C12orf75: variants seen among roughly 807,000 people sequenced by gnomAD.
C12orf75 encodes chromosome 12 open reading frame 75, also known as overexpressed in colon carcinoma 1 protein.
A neutral mutation model predicts 11.4 loss-of-function variants in C12orf75; 4 were observed. The ratio of observed to expected loss-of-function variants is 0.35; its 90% CI spans 0.17 to 0.80. The LOEUF (loss-of-function observed/expected upper bound fraction) is 0.80, where lower values mean the gene tolerates loss of function less well. C12orf75 is among the 30% of genes least tolerant of loss of function. C12orf75 has a pLI of 0.52. For missense variants in C12orf75, 89 were observed against 80.4 expected (o/e 1.11, Z -0.41); for synonymous variants, 30 against 30.0 (o/e 1.00, Z 0.00).
At chr12:105,369,279 G>A (rs186589580) in intron 5 of C12orf75, among the ~76,000 whole-genome samples, 1 of 152,202 alleles carries the variant, frequency 6.6e-6, no homozygotes, top group East Asian at 1.9e-4. Context: ...GCATAATCCT[G>A]GTGAGCAAGC....
intron 2 of C12orf75, among the ~76,000 whole-genome samples, chr12:105,353,106 G>C (rs1892734901): frequency 6.6e-6 from 1 of 152,110 alleles, no homozygotes; most frequent in South Asian, 2.1e-4. Flanking sequence ...CAGAAGCCCA[G>C]TTTAAACTGG....
intron 1 of C12orf75, among the ~76,000 whole-genome samples, chr12:105,346,673 C>T (rs967855028): frequency 6.6e-6 from 1 of 152,156 alleles, no homozygotes; most frequent in Non-Finnish European, 1.5e-5. Flanking sequence ...TAGTCAAAGC[C>T]TTAAAAGAAT....
chr12:105,363,568 T>C (rs530405864), intron 2 of C12orf75, among the ~76,000 whole-genome samples: 3 of 152,084 alleles, frequency 2.0e-5, no homozygotes, highest in African/African-American at 7.2e-5. Flanking sequence ...CTACTAAAAA[T>C]ACAAAAATTA....
chr12:105,370,314 A>C (rs1487046844), intron 5 of C12orf75, among the ~76,000 whole-genome samples: 5 of 152,204 alleles, frequency 3.3e-5, no homozygotes, highest in African/African-American at 1.2e-4. Context: ...AAGGGATGGA[A>C]TTGTGACCGA....
At chr12:105,330,987 C>A in intron 1 of C12orf75, 50 bp downstream of exon 1, 1 of 1,092,316 alleles carries the variant, frequency 9.2e-7, no homozygotes, top group Non-Finnish European at 1.2e-6. Flanking sequence ...GGAGAGGCGG[C>A]GGGAAGGAAG....
At chr12:105,338,366 G>C (rs1892522096) in intron 1 of C12orf75, among the ~76,000 whole-genome samples, 1 of 152,106 alleles carries the variant, frequency 6.6e-6, no homozygotes, top group South Asian at 2.1e-4. Context: ...TGGAGATGGG[G>C]TTTCACTGTG....
Position 105,348,600 on chromosome 12 carries a change from A to G in C12orf75, c.47-2A>G. The stretch of plus-strand genomic sequence containing the variant: ...ACAAACCTATCTTCTTTTTTTCTCT[A>G]GGCCCTGCAGGAGCAGCCAAAGATG... On this transcript the variant is annotated splice_acceptor_variant, in intron 1 of 5. Transcript: ENST00000443585. LOFTEE classifies it high-confidence loss of function. 6.5e-7 allele frequency: 1 copy of G among 1,534,206 alleles called. No individual in the cohort carries two copies. Among genetic ancestry groups the G allele is most frequent in the Non-Finnish European group, 8.8e-7 (1 of 1,137,124 alleles).
chr12:105,350,234 A>G (rs1179550203), intron 2 of C12orf75, among the ~76,000 whole-genome samples: 1 of 152,212 alleles, frequency 6.6e-6, no homozygotes, highest in Non-Finnish European at 1.5e-5. Flanking sequence ...AAACCTTTCA[A>G]TTATTCCCAT....
intron 1 of C12orf75, among the ~76,000 whole-genome samples, chr12:105,344,745 C>CA (rs35185869): frequency 0.035 from 3,611 of 102,498 alleles, 149 homozygotes; most frequent in African/African-American, 0.11. Flanking sequence ...GACTCTGTGT[C>CA]AAAAAAAAAA....
Position 105,330,890 on chromosome 12 carries a change from C to T in C12orf75, c.-2C>T. 1.6e-6 allele frequency: 2 copies of T among 1,252,872 alleles called. No homozygotes were observed. The highest frequency in any genetic ancestry group is 2.0e-6 in the Non-Finnish European group (2 of 1,000,280). The allele number at this position is 1,252,872 out of a possible 1,614,324, so 77.6% of individuals were successfully genotyped here. A position where few individuals can be genotyped will look rare whatever the true frequency, so the allele number is the denominator to read the frequency against. On this transcript the variant is annotated 5_prime_UTR_variant, in exon 1 of 6. Coordinates refer to ENST00000443585, the MANE Select transcript of C12orf75 (RefSeq NM_001145199.2). ...AGCGCGGCTTCCCCGGCCGGCTGCG[C>T]GATGGGCTGCGGGAACTCCACCGCC...
At chr12:105,332,611 A>T (rs922023066) in intron 1 of C12orf75, among the ~76,000 whole-genome samples, 1 of 151,958 alleles carries the variant, frequency 6.6e-6, no homozygotes, top group East Asian at 1.9e-4. Context: ...CCTGCTTGTA[A>T]TCCCAGCTAT....
intron 1 of C12orf75, among the ~76,000 whole-genome samples, chr12:105,339,101 T>C (rs1892534285): frequency 6.6e-6 from 1 of 152,240 alleles, no homozygotes; most frequent in Non-Finnish European, 1.5e-5. Flanking sequence ...TAAGCATTGC[T>C]TTGGATGAAG....
At chr12:105,363,492 C>T (rs901416748) in intron 2 of C12orf75, among the ~76,000 whole-genome samples, 1 of 152,006 alleles carries the variant, frequency 6.6e-6, no homozygotes, top group South Asian at 2.1e-4. Flanking sequence ...TTTGGGAGGC[C>T]GAGGTGGGAG....
intron 1 of C12orf75, among the ~76,000 whole-genome samples, chr12:105,332,529 C>G (rs773097738): frequency 6.6e-6 from 1 of 151,904 alleles, no homozygotes. Context: ...CTCAGGAACT[C>G]GAGACCAGTG....
intron 2 of C12orf75, among the ~76,000 whole-genome samples, chr12:105,360,302 A>G (rs1892843967): frequency 1.3e-5 from 2 of 152,240 alleles, no homozygotes; most frequent in Admixed American, 6.5e-5. Context: ...TCACTGCCCT[A>G]CAACTGGAGC....
At position 105,330,909 on chromosome 12, in the gene C12orf75, C is replaced by T; in HGVS notation, c.18C>T (p.Ser6=). Residue 6 remains serine (S), a synonymous_variant, in exon 1 of 6, where the codon TCC becomes TCT. Coordinates refer to ENST00000443585, the MANE Select transcript of C12orf75 (RefSeq NM_001145199.2). Reference sequence around the variant, plus strand: ...GCTGCGCGATGGGCTGCGGGAACTCCACCGCCACCAGCGCGGGCGCGGGCC... The same window carrying T: ...GCTGCGCGATGGGCTGCGGGAACTCTACCGCCACCAGCGCGGGCGCGGGCC... The part of the protein sequence containing the change: MGCGN[S]TATSAGAGQG... 8.1e-7 allele frequency: 1 copy of T among 1,242,102 alleles called. No individual in the cohort carries two copies. 76.9% of individuals were successfully genotyped at this position (1,242,102 alleles called of 1,614,324 possible).
intron 1 of C12orf75, among the ~76,000 whole-genome samples, chr12:105,338,340 A>T (rs1262526700): frequency 6.6e-6 from 1 of 151,954 alleles, no homozygotes; most frequent in Non-Finnish European, 1.5e-5. Context: ...GCACCCAGCT[A>T]ATTTTGTATT....
At chr12:105,352,895 C>T (rs552342995) in intron 2 of C12orf75, among the ~76,000 whole-genome samples, 9 of 152,274 alleles carry the variant, frequency 5.9e-5, no homozygotes, top group African/African-American at 2.2e-4. Context: ...GCCTATTTTT[C>T]CCTCTCTTTC....
intron 2 of C12orf75, among the ~76,000 whole-genome samples, chr12:105,350,626 T>C (rs1892700160): frequency 6.6e-6 from 1 of 152,220 alleles, no homozygotes; most frequent in South Asian, 2.1e-4. Flanking sequence ...ACCTTTCTTG[T>C]GGGGCATCGT....
Sources: gnomAD v4.1 joint callset for allele counts (sites outside exome capture counted in the v4.1 genomes callset) on GRCh38, gnomAD v4.1.1 for gene constraint, MANE v1.5 for transcripts, NCBI Gene and HGNC (gene_info 2026-07-23, HGNC 2026-07-21) for gene names.